The following KCNK2 variants were observed in gnomAD, a reference collection of about 807,000 sequenced individuals.
The protein encoded by KCNK2 is potassium two pore domain channel subfamily K member 2.
Under a neutral mutation model 40.5 loss-of-function variants are expected in KCNK2, and 21 were observed. That is an observed-to-expected ratio of 0.52 (90% confidence interval 0.37 to 0.75). The LOEUF is 0.75. KCNK2 is among the 30% of genes least tolerant of loss of function. The probability of loss-of-function intolerance (pLI) is 0.00; values close to 1 mark genes in which losing one functional copy is unlikely to be tolerated. For missense variants in KCNK2, 399 were observed against 531.6 expected, an observed-to-expected ratio of 0.75 and a Z score of 2.45; for synonymous variants, 191 against 202.2, an observed-to-expected ratio of 0.94 and a Z score of 0.47.
chr1:215,011,073 T>C (rs1022689664), intron 1 of KCNK2, among the ~76,000 whole-genome samples: 1 of 151,638 alleles, frequency 6.6e-6, no homozygotes, highest in African/African-American at 2.4e-5. Flanking sequence ...TTTGTGCGTA[T>C]AGTTCTATGA....
At chr1:215,112,328 A>T (rs1270473372) in intron 2 of KCNK2, among the ~76,000 whole-genome samples, 12 of 150,316 alleles carry the variant, frequency 8.0e-5, no homozygotes, top group African/African-American at 1.2e-4. Flanking sequence ...TTTTTTTTTT[A>T]AAGTGCTTAA....
intron 5 of KCNK2, among the ~76,000 whole-genome samples, chr1:215,178,517 T>G (rs1477355881): frequency 6.6e-6 from 1 of 152,154 alleles, no homozygotes; most frequent in Non-Finnish European, 1.5e-5. Flanking sequence ...CTCTTATTAT[T>G]TTGACATATG....
rs80147603 is a variant in KCNK2, at chr1:215,034,117, T to G, written c.34+28162T>G. On this transcript the variant is annotated intron_variant, in intron 1 of 6. Coordinates refer to the KCNK2 transcript ENST00000391895. ...AATTGGTTTGTTCCATGATCTCAAT[T>G]CTTTGATGGATCTAAAAAGAGTTGT... Among the ~76,000 whole-genome samples, 503 of 152,340 alleles carry G rather than the reference T, an allele frequency of 3.3e-3. 2 individuals are homozygous for G. Among genetic ancestry groups the G allele is most frequent in the African/African-American group, 0.011 (478 of 41,584 alleles).
chr1:215,177,708 CTATATATATATGTGTA>C (rs1664035058), intron 5 of KCNK2, among the ~76,000 whole-genome samples: 1 of 121,926 alleles, frequency 8.2e-6, no homozygotes, highest in Non-Finnish European at 1.7e-5. Flanking sequence ...CTCCACTGGC[CTATATATATATGTGTA>C]TATATATATA....
intron 6 of KCNK2, among the ~76,000 whole-genome samples, chr1:215,233,956 T>C (rs953027313): frequency 2.6e-5 from 4 of 152,214 alleles, no homozygotes; most frequent in East Asian, 1.9e-4. Flanking sequence ...CACTTTTTTT[T>C]CTTTAATTCT....
chr1:215,156,244 T>A lies in KCNK2; in HGVS notation c.476-12955T>A, dbSNP rs1452184234. Among the ~76,000 whole-genome samples, 3 of 152,286 alleles carry A rather than the reference T, an allele frequency of 2.0e-5. No homozygotes were observed. In the East Asian group the frequency reaches 5.8e-4, roughly 29 times the overall value. On this transcript the variant is annotated intron_variant, in intron 3 of 6. Transcript: ENST00000444842. ...TATTTGTGGTGTTATTAAGTTCTGA[T>A]CATAAAAATGCCTGTTCACTTGAGA...
rs1230598598 is a variant in KCNK2 at position 215,230,492 on chromosome 1, C to T, written c.964-4336C>T. On this transcript the variant is annotated intron_variant, in intron 6 of 6. Transcript: ENST00000444842. ...AGATATATATATACACACACACACA[C>T]ACACACACACGGCTGTATATATATA... 4.5e-3 allele frequency among the ~76,000 whole-genome samples: 587 copies of T among 130,784 alleles called. 1 individual carries two copies. The highest frequency in any genetic ancestry group is 7.0e-3 in the Non-Finnish European group (454 of 64,728). The allele number at this position is 130,784 out of a possible 152,430, so 85.8% of individuals were successfully genotyped here.
intron 6 of KCNK2, among the ~76,000 whole-genome samples, chr1:215,200,692 T>G (rs1278403849): frequency 6.6e-6 from 1 of 152,138 alleles, no homozygotes; most frequent in Non-Finnish European, 1.5e-5. Context: ...ACGAAGGGTC[T>G]AGGGTAGCAG....
intron 1 of KCNK2, among the ~76,000 whole-genome samples, chr1:215,042,554 A>G (rs1657605902): frequency 6.6e-6 from 1 of 152,228 alleles, no homozygotes; most frequent in African/African-American, 2.4e-5. Flanking sequence ...CAAAGGAAGC[A>G]CTGAATTAAT....
At chr1:215,058,047 G>C (rs1382729660) in intron 1 of KCNK2, among the ~76,000 whole-genome samples, 1 of 152,122 alleles carries the variant, frequency 6.6e-6, no homozygotes, top group Non-Finnish European at 1.5e-5. Context: ...CAGGAATAGG[G>C]AGTGGGAAAG....
upstream of KCNK2, among the ~76,000 whole-genome samples, chr1:215,081,095 A>C (rs894429754): frequency 6.6e-6 from 1 of 152,036 alleles, no homozygotes; most frequent in Non-Finnish European, 1.5e-5. Context: ...TTTCAGAGGG[A>C]CCTTCCAGCC....
chr1:215,236,674 C>T lies in KCNK2; in HGVS notation c.*1529C>T, dbSNP rs1666911509. 1 of 152,072 alleles carries T rather than the reference C, an allele frequency of 6.6e-6. No homozygotes were observed. The highest frequency in any genetic ancestry group is 6.6e-5 in the Admixed American group (1 of 15,226). The allele number at this position is 152,072 out of a possible 1,614,324, so 9.4% of individuals were successfully genotyped here. The stretch of plus-strand genomic sequence containing the variant: ...TATTTTCATACTTAGATCTGCTGTA[C>T]ATTGTATATATATATAATTTTTAAA... On this transcript the variant is annotated 3_prime_UTR_variant, in exon 7 of 7. Transcript: ENST00000444842.
At chr1:215,030,006 G>A (rs1571857831) in intron 1 of KCNK2, among the ~76,000 whole-genome samples, 1 of 152,328 alleles carries the variant, frequency 6.6e-6, no homozygotes, top group East Asian at 1.9e-4. Flanking sequence ...TTCCAAAGTG[G>A]CTGTACTGTT....
At chr1:215,024,124 G>C (rs541414365) in intron 1 of KCNK2, among the ~76,000 whole-genome samples, 1 of 152,294 alleles carries the variant, frequency 6.6e-6, no homozygotes, top group Non-Finnish European at 1.5e-5. Flanking sequence ...TCCTAAGGCA[G>C]GTATAGGGAT....
intron 2 of KCNK2, among the ~76,000 whole-genome samples, chr1:215,123,888 A>C (rs1173085831): frequency 1.3e-5 from 2 of 152,082 alleles, no homozygotes; most frequent in Non-Finnish European, 2.9e-5. Context: ...CCAACATGGG[A>C]TGATTGAAGA....
At chr1:215,199,257 C>T (rs1571720050) in intron 6 of KCNK2, among the ~76,000 whole-genome samples, 1 of 151,704 alleles carries the variant, frequency 6.6e-6, no homozygotes, top group Admixed American at 6.6e-5. Flanking sequence ...TCCAGTGAGC[C>T]GAGATCATGC....
At chr1:215,157,062 C>A (rs1438812028) in intron 3 of KCNK2, among the ~76,000 whole-genome samples, 2 of 152,046 alleles carry the variant, frequency 1.3e-5, no homozygotes, top group Non-Finnish European at 1.5e-5. Context: ...AAAAAAACCC[C>A]AGAAATTTAT....
chr1:215,112,501 A>G (rs1237465849), intron 2 of KCNK2, among the ~76,000 whole-genome samples: 3 of 152,178 alleles, frequency 2.0e-5, no homozygotes, highest in Non-Finnish European at 4.4e-5. Flanking sequence ...ACAATTAGCT[A>G]AGGCTAATTT....
intron 5 of KCNK2, among the ~76,000 whole-genome samples, chr1:215,175,272 G>T (rs565320920): frequency 6.6e-6 from 1 of 152,128 alleles, no homozygotes; most frequent in South Asian, 2.1e-4. Flanking sequence ...AACATATCTT[G>T]GAGGACACAA....
Sources: allele counts gnomAD v4.1 joint callset (sites outside exome capture counted in the v4.1 genomes callset), GRCh38; gene constraint gnomAD v4.1.1; transcripts MANE v1.5; gene names NCBI Gene and HGNC (gene_info 2026-07-23, HGNC 2026-07-21).